The following ATP8B2 variants were observed in gnomAD, a reference collection of about 807,000 sequenced individuals.
ATP8B2 encodes the protein ATPase phospholipid transporting 8B2.
Under a neutral mutation model 133.4 loss-of-function variants are expected in ATP8B2, and 70 were observed. The observed-to-expected ratio is 0.52, with a 90% CI of 0.43 to 0.64. The LOEUF (loss-of-function observed/expected upper bound fraction) is 0.64, where lower values mean the gene tolerates loss of function less well. Ranked by LOEUF, ATP8B2 falls within the 30% of genes least tolerant of loss-of-function variation. The probability of loss-of-function intolerance (pLI) is 0.00; values close to 1 mark genes in which losing one functional copy is unlikely to be tolerated. For missense variants in ATP8B2, 1,101 were observed against 1,535.7 expected (o/e 0.72, Z 4.73); for synonymous variants, 517 against 589.5 (o/e 0.88, Z 1.78).
At chr1:154,342,381 G>A in intron 13 of ATP8B2, 99 bp from the exon 14 acceptor site, 1 of 1,203,862 alleles carries the variant, frequency 8.3e-7, no homozygotes. Flanking sequence ...GGGTTGAGGG[G>A]CTCAGTGCCT....
Position 154,345,574 on chromosome 1 carries a change from G to A in ATP8B2, c.2694+29G>A, listed in dbSNP as rs1238895336. 4.4e-6 allele frequency: 7 copies of A among 1,577,378 alleles called. No homozygotes were observed. Among genetic ancestry groups the A allele is most frequent in the Non-Finnish European group, 6.1e-6 (7 of 1,152,166 alleles). On this transcript the variant is annotated intron_variant, in intron 23 of 27. Coordinates refer to ENST00000368489, the MANE Select transcript of ATP8B2 (RefSeq NM_001370597.1). The surrounding 1 kb of genome is among the most constrained non-coding windows in gnomAD (Gnocchi z 5.6). ...ATAAATGTTCCCAGTCCACTGTTGTGCAAATCTGTAAACCTGAGGGCAGAG... is the reference window on the plus strand; with the variant it reads ...ATAAATGTTCCCAGTCCACTGTTGTACAAATCTGTAAACCTGAGGGCAGAG...
Position 154,345,838 on chromosome 1 carries a change from C to T in ATP8B2, c.2733C>T (p.Ile911=), listed in dbSNP as rs1481235253. The T allele has an allele frequency of 2.5e-6, 4 of 1,613,700 alleles. No individual in the cohort carries two copies. The highest frequency in any genetic ancestry group is 1.3e-5 in the African/African-American group (1 of 74,908). ...AGTATTTCATCACCCTGTATAACAT[C>T]GTGTACACCTCCCTGCCAGTCCTGG... The part of the protein sequence containing the change: ...YDQYFITLYN[I]VYTSLPVLAM... The change falls in exon 24 of 28, where the codon ATC becomes ATT. Residue 911 remains isoleucine, a synonymous_variant. Transcript: ENST00000368489. The surrounding 1 kb of genome is among the most constrained non-coding windows in gnomAD (Gnocchi z 5.6).
At chr1:154,338,024 G>A (rs1198447616) in intron 12 of ATP8B2, among the ~76,000 whole-genome samples, 2 of 152,250 alleles carry the variant, frequency 1.3e-5, no homozygotes, top group Non-Finnish European at 2.9e-5. Context: ...TGGATAGGTC[G>A]AGGAGGGGAG....
Position 154,334,240 on chromosome 1 carries a change from G to C in ATP8B2, c.723G>C (p.Trp241Cys), listed in dbSNP as rs1287231705. ...GCTGTGTGCTGCGAAACACCGAGTG[G>C]TGCTTCGGGCTGGTCATCTTTGCAG... Reference protein sequence around the residue: ...LRGCVLRNTEWCFGLVIFAGP... With the variant: ...LRGCVLRNTECCFGLVIFAGP... The change falls in exon 10 of 28, where the codon TGG (tryptophan) becomes TGC (cysteine). Residue 241 changes from tryptophan (W) to cysteine (C), a missense_variant. Coordinates refer to ENST00000368489, the MANE Select transcript of ATP8B2 (RefSeq NM_001370597.1). The surrounding 1 kb of genome is among the most constrained non-coding windows in gnomAD (Gnocchi z 4.6). The C allele has an allele frequency of 1.2e-6, 2 of 1,614,086 alleles. No individual in the cohort carries two copies. Among genetic ancestry groups the C allele is most frequent in the Non-Finnish European group, 1.7e-6 (2 of 1,180,040 alleles).
chr1:154,334,713 TC>T lies in ATP8B2; in HGVS notation c.837+123del. The T allele has an allele frequency of 1.4e-6, 1 of 740,120 alleles. No homozygotes were observed. The highest frequency in any genetic ancestry group is 2.2e-6 in the Non-Finnish European group (1 of 450,230). The allele number at this position is 740,120 out of a possible 1,614,324, so 45.8% of individuals were successfully genotyped here. A position where few individuals can be genotyped will look rare whatever the true frequency, so the allele number is the denominator to read the frequency against. On this transcript the variant is annotated intron_variant, in intron 11 of 27. Coordinates refer to ENST00000368489, the MANE Select transcript of ATP8B2 (RefSeq NM_001370597.1). The surrounding 1 kb of genome is among the most constrained non-coding windows in gnomAD (Gnocchi z 4.6). ...GTTTGGCTTTAAAGCTGCTAGCAGGTCAGCTACACAAAGGCAGTGTTTATTT... is the reference window on the plus strand; with the variant it reads ...GTTTGGCTTTAAAGCTGCTAGCAGGTAGCTACACAAAGGCAGTGTTTATTT...
rs1454521817 is a variant in ATP8B2 at position 154,328,713 on chromosome 1, C to G, written c.31+541C>G. 1.1e-6 allele frequency: 1 copy of G among 870,706 alleles called. No individual in the cohort carries two copies. Among genetic ancestry groups the G allele is most frequent in the Non-Finnish European group, 1.4e-6 (1 of 724,594 alleles). The allele number at this position is 870,706 out of a possible 1,614,324, so 53.9% of individuals were successfully genotyped here. A position where few individuals can be genotyped will look rare whatever the true frequency, so the allele number is the denominator to read the frequency against. On this transcript the variant is annotated intron_variant, in intron 2 of 27. Coordinates refer to ENST00000368489, the MANE Select transcript of ATP8B2 (RefSeq NM_001370597.1). The surrounding 1 kb of genome is among the most constrained non-coding windows in gnomAD (Gnocchi z 4.6). ...TCGGGGAGCGGGCGGGGGCGGAACC[C>G]TGGGCGTGCTCGGCGTGTCCGGGGC...
chr1:154,333,687 T>TA (rs1686080896), intron 9 of ATP8B2, among the ~76,000 whole-genome samples: 1 of 145,830 alleles, frequency 6.9e-6, no homozygotes, highest in Non-Finnish European at 1.5e-5. Context: ...CAGGTTGGAG[T>TA]GTAGTGGTGC....
At chr1:154,327,917 G>A (rs1685847469) in intron 1 of ATP8B2, 188 bp from the exon 2 acceptor site, 5 of 1,574,832 alleles carry the variant, frequency 3.2e-6, no homozygotes, top group African/African-American at 1.4e-5. Flanking sequence ...GGGGCATGAT[G>A]GGAGGTGGTG....
At chr1:154,333,100 A>G (rs1279781461) in intron 9 of ATP8B2, among the ~76,000 whole-genome samples, 1 of 152,182 alleles carries the variant, frequency 6.6e-6, no homozygotes, top group Admixed American at 6.6e-5. Context: ...GCCTGAGGCC[A>G]GGAGTTCGAG....
chr1:154,346,001 T>C lies in ATP8B2; in HGVS notation c.2778+118T>C, dbSNP rs899201098. ...CCTGTGGCCACTGGGAAGGCAGTTC[T>C]TTCAGCCGGGGAAGGTGTGGCTGGT... On this transcript the variant is annotated intron_variant, in intron 24 of 27. Transcript: ENST00000368489. This position sits in a 1 kb window ranked among gnomAD's most constrained non-coding sequence, Gnocchi z 4.5. 15 of 1,157,022 alleles carry C rather than the reference T, an allele frequency of 1.3e-5. No individual in the cohort carries two copies. The African/African-American group carries it at 2.3e-4, about 18-fold the overall frequency. 71.7% of individuals were successfully genotyped at this position (1,157,022 alleles called of 1,614,324 possible).
intron 9 of ATP8B2, among the ~76,000 whole-genome samples, chr1:154,333,262 G>A (rs1394968256): frequency 6.6e-6 from 1 of 152,082 alleles, no homozygotes; most frequent in East Asian, 1.9e-4. Context: ...GCAGGGAGGC[G>A]GAGGTTGCAG....
rs945947984 is a variant in ATP8B2, at chr1:154,332,604, T to C, written c.510-14T>C. 7.0e-6 allele frequency: 11 copies of C among 1,574,222 alleles called. No individual in the cohort carries two copies. In the African/African-American group the frequency reaches 1.1e-4, roughly 15 times the overall value. On this transcript the variant is annotated splice_polypyrimidine_tract_variant and intron_variant, in intron 8 of 27. Coordinates refer to ENST00000368489, the MANE Select transcript of ATP8B2 (RefSeq NM_001370597.1). ...TGAGGAGGGAGCGGGGACTCAGAGA[T>C]ACTGTCCTTCCAGCGAGACCAACAT...
chr1:154,332,772 AT>A, intron 9 of ATP8B2, 75 bp downstream of exon 9: 1 of 1,184,918 alleles, frequency 8.4e-7, no homozygotes, highest in South Asian at 1.3e-5. Flanking sequence ...TAAATTATAC[AT>A]TTTCCTTTGG....
chr1:154,328,111 C>A lies in ATP8B2; in HGVS notation c.-31C>A. On this transcript the variant is annotated 5_prime_UTR_variant, in exon 2 of 28. Coordinates refer to ENST00000368489, the MANE Select transcript of ATP8B2 (RefSeq NM_001370597.1). The surrounding 1 kb of genome is among the most constrained non-coding windows in gnomAD (Gnocchi z 4.6). ...CGTCTGTCACTTCTTGCAGGGTCTC[C>A]CATGGGATTGCTGGGATCTTGCTGG... 1 of 1,614,076 alleles carries A rather than the reference C, an allele frequency of 6.2e-7. No individual in the cohort carries two copies. The highest frequency in any genetic ancestry group is 8.5e-7 in the Non-Finnish European group (1 of 1,179,998).
chr1:154,326,549 G>A (rs944329608), intron 1 of ATP8B2, among the ~76,000 whole-genome samples: 1 of 152,176 alleles, frequency 6.6e-6, no homozygotes, highest in African/African-American at 2.4e-5. Context: ...AGTGAGAGGG[G>A]ATCCCAGTTC....
At position 154,330,787 on chromosome 1, in the gene ATP8B2, C is replaced by T. The variant is rs1254243200; in HGVS notation, c.91-28C>T. ...GGTTCTGGGTTGGGACTGGAGACTG[C>T]TCATTATCTTCTCTCCTACTGCCAT... On this transcript the variant is annotated intron_variant, in intron 3 of 27. Transcript: ENST00000368489. 2.5e-6 allele frequency: 4 copies of T among 1,585,514 alleles called. No individual in the cohort carries two copies. The African/African-American group carries it at 4.0e-5, about 16-fold the overall frequency.
At chr1:154,336,968 T>G (rs2483711) in intron 11 of ATP8B2, among the ~76,000 whole-genome samples, 1 of 151,364 alleles carries the variant, frequency 6.6e-6, no homozygotes, top group East Asian at 2.0e-4. Flanking sequence ...CTAATTTTTT[T>G]AATGTTTTTA....
intron 26 of ATP8B2, among the ~76,000 whole-genome samples, chr1:154,347,473 A>G (rs572774232): frequency 6.6e-6 from 1 of 152,262 alleles, no homozygotes; most frequent in Admixed American, 6.5e-5. Context: ...GAGCAGAGAA[A>G]TACCAGAAGC....
intron 14 of ATP8B2, 98 bp downstream of exon 14, chr1:154,342,621 G>A (rs1209558356): frequency 4.0e-6 from 6 of 1,483,280 alleles, no homozygotes; most frequent in African/African-American, 1.4e-5. Flanking sequence ...ATAGGAAATG[G>A]AAGCTGCTTG....
Sources: gnomAD v4.1 joint callset for allele counts (sites outside exome capture counted in the v4.1 genomes callset) on GRCh38, gnomAD v4.1.1 for gene constraint, Gnocchi (gnomAD v3.1) non-coding constraint, MANE v1.5 for transcripts, NCBI Gene and HGNC (gene_info 2026-07-23, HGNC 2026-07-21) for gene names.